Variants in VDR observed in about 807,000 individuals in gnomAD.
VDR encodes vitamin D receptor.
A neutral mutation model predicts 39.7 loss-of-function variants in VDR; 19 were observed. The ratio of observed to expected loss-of-function variants is 0.48; its 90% confidence interval spans 0.33 to 0.70. The LOEUF is 0.70. Ranked by LOEUF, VDR falls within the 30% of genes least tolerant of loss-of-function variation. The probability of loss-of-function intolerance (pLI) is 0.02; values close to 1 mark genes in which losing one functional copy is unlikely to be tolerated. For synonymous variants in VDR, 242 were observed against 215.8 expected, an observed-to-expected ratio of 1.12 and a Z score of -1.07; for missense variants, 442 against 570.5, an observed-to-expected ratio of 0.77 and a Z score of 2.29.
intron 1 of VDR, chr12:47,900,016 G>C: frequency 1.1e-6 from 1 of 916,066 alleles, no homozygotes; most frequent in Non-Finnish European, 1.3e-6. Context: ...CTCCCCATTG[G>C]CCAATGGGAC....
Position 47,844,944 on chromosome 12 carries a change from T to G in VDR, c.1086A>C (p.Thr362=). ...GGCGGCAGCGGATGTACGTCTGCAG[T>G]GTGTTGGACAGGCGGTCCTGGATGG... ...IEAIQDRLSN[T]LQTYIRCRHP... is the part of the protein sequence containing the mutation. Residue 362 remains threonine, a synonymous_variant, in exon 10 of 10, where the codon ACA becomes ACC. Transcript: ENST00000549336. The G allele has an allele frequency of 6.2e-7, 1 of 1,613,970 alleles. No homozygotes were observed. Among genetic ancestry groups the G allele is most frequent in the Non-Finnish European group, 8.5e-7 (1 of 1,179,948 alleles).
intron 1 of VDR, among the ~76,000 whole-genome samples, chr12:47,884,016 C>G (rs978625237): frequency 1.3e-5 from 2 of 152,176 alleles, no homozygotes; most frequent in African/African-American, 4.8e-5. Flanking sequence ...GTACCCCCAA[C>G]CCAGGCCCTC....
intron 3 of VDR, among the ~76,000 whole-genome samples, chr12:47,873,794 G>A (rs1945941972): frequency 6.6e-6 from 1 of 152,190 alleles, no homozygotes; most frequent in African/African-American, 2.4e-5. Context: ...AGCTAGAGCA[G>A]CAGTCAAAAA....
rs1356256606 is a variant in VDR at position 47,879,093 on chromosome 12, G to A, written c.21C>T (p.Ser7=). 8.7e-6 allele frequency: 14 copies of A among 1,614,018 alleles called. No individual in the cohort carries two copies. The highest frequency in any genetic ancestry group is 1.2e-5 in the Non-Finnish European group (14 of 1,179,938). Residue 7 remains serine (S), a synonymous_variant, in exon 3 of 10, where the codon AGC becomes AGT. Coordinates refer to ENST00000549336, the MANE Select transcript of VDR (RefSeq NM_000376.3). ...AGTCTCCAGGGTCAGGCAGGGAAGT[G>A]CTGGCCGCCATTGCCTCCATCCCTG... The part of the protein sequence containing the change: MEAMAA[S]TSLPDPGDFD...
intron 1 of VDR, among the ~76,000 whole-genome samples, chr12:47,886,346 T>A (rs1946252029): frequency 6.6e-6 from 1 of 152,220 alleles, no homozygotes; most frequent in African/African-American, 2.4e-5. Flanking sequence ...ACCTAACTTT[T>A]TGTCTTCTCT....
chr12:47,883,890 G>A (rs572442252), intron 1 of VDR, among the ~76,000 whole-genome samples: 1 of 152,340 alleles, frequency 6.6e-6, no homozygotes, highest in South Asian at 2.1e-4. Flanking sequence ...CTCCCAGGGA[G>A]CATCTGAGGA....
At chr12:47,902,917 A>G (rs1234242823) in intron 1 of VDR, among the ~76,000 whole-genome samples, 1 of 152,168 alleles carries the variant, frequency 6.6e-6, no homozygotes, top group Non-Finnish European at 1.5e-5. Context: ...TTCTGGGGGT[A>G]GAGTGTAGGG....
chr12:47,891,282 G>A (rs1946364427), intron 1 of VDR, among the ~76,000 whole-genome samples: 1 of 152,200 alleles, frequency 6.6e-6, no homozygotes, highest in African/African-American at 2.4e-5. Context: ...CAGTTCTTGT[G>A]TGGGGATCAA....
In VDR at chr12:47,879,131, G is replaced by A; in HGVS notation, c.-2-16C>T. The A allele has an allele frequency of 6.2e-7, 1 of 1,612,766 alleles. No individual in the cohort carries two copies. Among genetic ancestry groups the A allele is most frequent in the Non-Finnish European group, 8.5e-7 (1 of 1,179,562 alleles). On this transcript the variant is annotated splice_polypyrimidine_tract_variant and intron_variant, in intron 2 of 9. Transcript: ENST00000549336. The stretch of plus-strand genomic sequence containing the variant: ...GCCTCCATCCCTGTAAGAACAGCAA[G>A]CAGGCCACGGTCAGAGCCAGAGTCA...
intron 1 of VDR, among the ~76,000 whole-genome samples, chr12:47,903,892 G>C (rs1047433674): frequency 6.6e-6 from 1 of 152,192 alleles, no homozygotes; most frequent in African/African-American, 2.4e-5. Flanking sequence ...CATAAGCACT[G>C]CTGTGTTGGG....
intron 9 of VDR, among the ~76,000 whole-genome samples, chr12:47,845,958 G>C (rs1470413966): frequency 6.6e-6 from 1 of 152,202 alleles, no homozygotes; most frequent in Non-Finnish European, 1.5e-5. Context: ...CATCTCTCAG[G>C]CTCCAAAGTT....
chr12:47,887,414 A>G (rs1032085854), intron 1 of VDR, among the ~76,000 whole-genome samples: 1 of 152,124 alleles, frequency 6.6e-6, no homozygotes, highest in Non-Finnish European at 1.5e-5. Flanking sequence ...TTTCTAAGAC[A>G]CTAAGCCCTA....
chr12:47,867,221 G>A (rs1945755823), intron 3 of VDR, among the ~76,000 whole-genome samples: 2 of 152,154 alleles, frequency 1.3e-5, no homozygotes, highest in Non-Finnish European at 2.9e-5. Flanking sequence ...GGGCACGGTG[G>A]CACATGCCTA....
chr12:47,873,252 T>C (rs1008758642), intron 3 of VDR, among the ~76,000 whole-genome samples: 3 of 152,052 alleles, frequency 2.0e-5, no homozygotes, highest in Admixed American at 6.6e-5. Flanking sequence ...CCTGCTGCCA[T>C]GTAAGACAGG....
chr12:47,841,772 T>A lies in VDR; in HGVS notation c.*2974A>T, dbSNP rs11574139. On this transcript the variant is annotated 3_prime_UTR_variant, in exon 10 of 10. Transcript: ENST00000549336. ...CACATTCCTGCCTTCTCTGTTGACC[T>A]CGCTTGGATTCTCCTACATGCTTCC... The A allele has an allele frequency of 0.032, 4,919 of 152,460 alleles. 109 individuals are homozygous for A. The highest frequency in any genetic ancestry group is 0.058 in the Middle Eastern group (17 of 294). 9.4% of individuals were successfully genotyped at this position (152,460 alleles called of 1,614,324 possible).
At chr12:47,865,306 GCTGCC>G (rs1375910158) in intron 3 of VDR, 129 bp from the exon 4 acceptor site, 3 of 1,397,862 alleles carry the variant, frequency 2.1e-6, no homozygotes, top group African/African-American at 2.8e-5. Flanking sequence ...GCCCACCCCA[GCTGCC>G]AGTCACTCTC....
At chr12:47,882,105 A>G (rs1452477259) in intron 2 of VDR, among the ~76,000 whole-genome samples, 2 of 152,132 alleles carry the variant, frequency 1.3e-5, no homozygotes, top group Admixed American at 6.5e-5. Flanking sequence ...ACAACATACT[A>G]CCACAGCACA....
intron 1 of VDR, among the ~76,000 whole-genome samples, chr12:47,896,047 C>T (rs954175974): frequency 1.3e-5 from 2 of 152,252 alleles, no homozygotes; most frequent in African/African-American, 4.8e-5. Flanking sequence ...TGAATTCTCC[C>T]TACCACTAGC....
intron 1 of VDR, among the ~76,000 whole-genome samples, chr12:47,890,322 T>G (rs1435187300): frequency 6.7e-6 from 1 of 148,650 alleles, no homozygotes; most frequent in African/African-American, 2.5e-5. Context: ...TATTGTTTTG[T>G]ATTTTACATA....
Sources: allele counts gnomAD v4.1 joint callset (sites outside exome capture counted in the v4.1 genomes callset), GRCh38; gene constraint gnomAD v4.1.1; transcripts MANE v1.5; gene names NCBI Gene and HGNC (gene_info 2026-07-23, HGNC 2026-07-21).